Variants in GRIK1 observed in about 807,000 individuals in gnomAD.
GRIK1 encodes glutamate ionotropic receptor kainate type subunit 1.
GRIK1 carries 69 observed loss-of-function variants against 105.7 expected under a neutral mutation model. The observed-to-expected ratio is 0.65, with a 90% CI of 0.54 to 0.80. The LOEUF (loss-of-function observed/expected upper bound fraction) is 0.80. Among genes scored for constraint, GRIK1 ranks in the 30% least tolerant of loss-of-function variants. The probability of loss-of-function intolerance (pLI) is 0.00; values close to 1 mark genes in which losing one functional copy is unlikely to be tolerated. For synonymous variants in GRIK1, 438 were observed against 431.3 expected, an observed-to-expected ratio of 1.02 and a Z score of -0.19; for missense variants, 1,109 against 1,167.3, an observed-to-expected ratio of 0.95 and a Z score of 0.73.
chr21:29,549,590 C>A (rs1239566796), intron 16 of GRIK1, among the ~76,000 whole-genome samples: 1 of 152,070 alleles, frequency 6.6e-6, no homozygotes, highest in East Asian at 1.9e-4. Flanking sequence ...AGCCTGTAAA[C>A]AGCAGTTTGG....
chr21:29,803,530 C>G (rs976846122), intron 1 of GRIK1, among the ~76,000 whole-genome samples: 1 of 152,064 alleles, frequency 6.6e-6, no homozygotes, highest in Non-Finnish European at 1.5e-5. Flanking sequence ...CTCTGAACTT[C>G]AAAGACAATT....
chr21:29,712,441 T>A (rs111649525), intron 1 of GRIK1, among the ~76,000 whole-genome samples: 6,523 of 152,180 alleles, frequency 0.043, 200 homozygotes, highest in Non-Finnish European at 0.066. Context: ...TTTTTAAGGA[T>A]CTTGATGCGT....
chr21:29,780,780 A>G (rs1052039414), intron 1 of GRIK1, among the ~76,000 whole-genome samples: 3 of 152,172 alleles, frequency 2.0e-5, no homozygotes, highest in African/African-American at 4.8e-5. Context: ...GTATATTTCA[A>G]TATTTTGTAA....
chr21:29,856,863 T>G (rs1393805907), intron 1 of GRIK1, among the ~76,000 whole-genome samples: 1 of 152,130 alleles, frequency 6.6e-6, no homozygotes, highest in Non-Finnish European at 1.5e-5. Flanking sequence ...AGCAGTATTT[T>G]AGGCACCACA....
At position 29,620,794 on chromosome 21, in the gene GRIK1, T is replaced by TAG. The variant is rs1491285802; in HGVS notation, c.1099-21858_1099-21857insCT. On this transcript the variant is annotated intron_variant, in intron 7 of 17. Coordinates refer to ENST00000327783, the MANE Select transcript of GRIK1 (RefSeq NM_001330994.2). ...TCATATATATATAGATATATATATC[T>TAG]ATATATATATAGATATATATATATA... 4.3e-3 allele frequency among the ~76,000 whole-genome samples: 460 copies of TAG among 106,304 alleles called. 2 individuals are homozygous for TAG. The highest frequency in any genetic ancestry group is 6.4e-3 in the African/African-American group (113 of 17,696). 69.7% of individuals were successfully genotyped at this position (106,304 alleles called of 152,430 possible).
At chr21:29,677,973 T>C (rs1337653712) in intron 3 of GRIK1, among the ~76,000 whole-genome samples, 1 of 152,246 alleles carries the variant, frequency 6.6e-6, no homozygotes, top group Non-Finnish European at 1.5e-5. Flanking sequence ...GCTTTAGCTA[T>C]CTTTAATGAG....
chr21:29,684,724 A>G (rs759116908), intron 3 of GRIK1, among the ~76,000 whole-genome samples: 2 of 151,956 alleles, frequency 1.3e-5, no homozygotes, highest in Non-Finnish European at 1.5e-5. Context: ...GTTAGCCAGG[A>G]TGGTCTCGAT....
chr21:29,871,553 C>T (rs1384423063), intron 1 of GRIK1, among the ~76,000 whole-genome samples: 3 of 151,874 alleles, frequency 2.0e-5, no homozygotes, highest in Admixed American at 6.6e-5. Flanking sequence ...GTCTCTACCA[C>T]GAAGGAGCTT....
intron 13 of GRIK1, among the ~76,000 whole-genome samples, chr21:29,577,624 A>G (rs1372259446): frequency 6.6e-6 from 1 of 152,378 alleles, no homozygotes; most frequent in African/African-American, 2.4e-5. Context: ...TACTTGTAAA[A>G]TATTAACATG....
intron 4 of GRIK1, among the ~76,000 whole-genome samples, chr21:29,667,498 G>T (rs565917974): frequency 6.0e-4 from 92 of 152,282 alleles, no homozygotes; most frequent in African/African-American, 1.8e-3. Flanking sequence ...TGCAAATGTT[G>T]ACAGGAGAAA....
chr21:29,797,839 G>A (rs1267250967), intron 1 of GRIK1, among the ~76,000 whole-genome samples: 3 of 152,048 alleles, frequency 2.0e-5, no homozygotes, highest in Non-Finnish European at 4.4e-5. Context: ...CACTAGATGA[G>A]GTTTCCTCCT....
At position 29,587,381 on chromosome 21, in the gene GRIK1, A is replaced by G; in HGVS notation, c.1778T>C (p.Leu593Pro). 1.2e-6 allele frequency: 2 copies of G among 1,606,652 alleles called. No individual in the cohort carries two copies. Among genetic ancestry groups the G allele is most frequent in the Non-Finnish European group, 1.7e-6 (2 of 1,173,200 alleles). The change falls in exon 12 of 18, where the codon CTC becomes CCC. Residue 593 changes from leucine (L) to proline (P), a missense_variant. Coordinates refer to ENST00000327783, the MANE Select transcript of GRIK1 (RefSeq NM_001330994.2). ...TCAAACTTACCTTGCAATCACAAAG[A>G]GTACACAGCTGACTCCCAAGCAGGC... ...LLACLGVSCV[L>P]FVIARFTPYE...
intron 1 of GRIK1, among the ~76,000 whole-genome samples, chr21:29,905,348 G>A (rs1274403850): frequency 2.0e-5 from 3 of 152,102 alleles, no homozygotes; most frequent in African/African-American, 7.2e-5. Flanking sequence ...CTGGGTCCTA[G>A]AAGGTCTATA....
At chr21:29,886,559 A>G (rs1014259535) in intron 1 of GRIK1, among the ~76,000 whole-genome samples, 60 of 152,240 alleles carry the variant, frequency 3.9e-4, no homozygotes, top group African/African-American at 1.4e-3. Flanking sequence ...TGTACAAGAC[A>G]CTGTAGGGAA....
At chr21:29,604,946 G>A (rs868210705) in intron 7 of GRIK1, among the ~76,000 whole-genome samples, 81 of 152,128 alleles carry the variant, frequency 5.3e-4, no homozygotes, top group African/African-American at 1.9e-3. Context: ...TTATTATTAG[G>A]GAAGTAAGGG....
At chr21:29,722,045 G>A (rs1306451913) in intron 1 of GRIK1, among the ~76,000 whole-genome samples, 2 of 152,128 alleles carry the variant, frequency 1.3e-5, no homozygotes, top group Admixed American at 6.5e-5. Context: ...AGCAATTTGG[G>A]TTTCTCATAA....
At chr21:29,762,642 A>G (rs1408894446) in intron 1 of GRIK1, among the ~76,000 whole-genome samples, 1 of 152,130 alleles carries the variant, frequency 6.6e-6, no homozygotes, top group Non-Finnish European at 1.5e-5. Context: ...CTCTTCACTC[A>G]CTTTTGGCAA....
At chr21:29,812,510 A>G (rs456784) in intron 1 of GRIK1, among the ~76,000 whole-genome samples, 28,798 of 152,148 alleles carry the variant, frequency 0.19, 2,924 homozygotes, top group Middle Eastern at 0.28. Context: ...GTTACTTCCA[A>G]TAGTGATAGC....
intron 1 of GRIK1, among the ~76,000 whole-genome samples, chr21:29,728,560 A>G (rs1274203450): frequency 1.3e-5 from 2 of 152,196 alleles, no homozygotes; most frequent in African/African-American, 4.8e-5. Context: ...ACTGCTATAA[A>G]TCATTACATC....
Sources: gnomAD v4.1 joint callset for allele counts (sites outside exome capture counted in the v4.1 genomes callset) on GRCh38, gnomAD v4.1.1 for gene constraint, MANE v1.5 for transcripts, NCBI Gene and HGNC (gene_info 2026-07-23, HGNC 2026-07-21) for gene names.